The following TMEFF2 variants were observed in gnomAD, a reference collection of about 807,000 sequenced individuals.
TMEFF2 encodes transmembrane protein with EGF like and two follistatin like domains 2, also known as tomoregulin-2.
A neutral mutation model predicts 53.8 loss-of-function variants in TMEFF2; 28 were observed. The ratio of observed to expected loss-of-function variants is 0.52; its 90% confidence interval spans 0.39 to 0.71. TMEFF2 has a LOEUF of 0.71. Among genes scored for constraint, TMEFF2 ranks in the 30% least tolerant of loss-of-function variants. The pLI, the probability that TMEFF2 is intolerant of heterozygous loss-of-function variation, is 0.00. For missense variants in TMEFF2, 353 were observed against 455.2 expected, an observed-to-expected ratio of 0.78 and a Z score of 2.04; for synonymous variants, 162 against 166.3, an observed-to-expected ratio of 0.97 and a Z score of 0.20.
chr2:191,980,864 G>T (rs965497594), intron 7 of TMEFF2, among the ~76,000 whole-genome samples: 1 of 152,030 alleles, frequency 6.6e-6, no homozygotes, highest in African/African-American at 2.4e-5. Context: ...AGGAACCTTC[G>T]TATTTTTCCT....
chr2:192,193,743 G>GAGAGAT (rs1691519580), intron 1 of TMEFF2, among the ~76,000 whole-genome samples: 5 of 41,052 alleles, frequency 1.2e-4, no homozygotes, highest in South Asian at 1.0e-3. Flanking sequence ...GAATGAGAGA[G>GAGAGAT]AGAGAGAGAT....
chr2:191,984,528 C>T (rs537883761), intron 7 of TMEFF2, among the ~76,000 whole-genome samples: 30 of 152,152 alleles, frequency 2.0e-4, no homozygotes, highest in Middle Eastern at 3.4e-3. Flanking sequence ...AATGTAGGAA[C>T]GATGGGGTAA....
At chr2:191,963,516 C>A (rs1692330013) in intron 7 of TMEFF2, among the ~76,000 whole-genome samples, 1 of 152,280 alleles carries the variant, frequency 6.6e-6, no homozygotes, top group Non-Finnish European at 1.5e-5. Context: ...AGACAAACCT[C>A]CTCAGGTGAT....
intron 4 of TMEFF2, 65 bp downstream of exon 4, chr2:192,179,603 A>G (rs766843805): frequency 7.5e-6 from 11 of 1,468,188 alleles, no homozygotes; most frequent in Admixed American, 2.2e-5. Context: ...TGGAACATAC[A>G]TAAGTAAATA....
intron 4 of TMEFF2, among the ~76,000 whole-genome samples, chr2:192,111,385 T>C (rs1347728151): frequency 1.3e-5 from 2 of 152,240 alleles, no homozygotes; most frequent in African/African-American, 4.8e-5. Flanking sequence ...ATTACTATGT[T>C]TTAGCAAGGA....
At chr2:192,084,092 A>G (rs947785540) in intron 4 of TMEFF2, among the ~76,000 whole-genome samples, 14 of 152,126 alleles carry the variant, frequency 9.2e-5, no homozygotes, top group African/African-American at 3.4e-4. Context: ...TATCTGGGGA[A>G]TAAGTCCTGT....
chr2:191,984,887 CA>C (rs1420714331), intron 7 of TMEFF2, among the ~76,000 whole-genome samples: 1 of 151,750 alleles, frequency 6.6e-6, no homozygotes, highest in East Asian at 1.9e-4. Context: ...TAACATATAT[CA>C]AAAAAGAGTC....
chr2:192,101,910 A>C (rs1455305441), intron 4 of TMEFF2, among the ~76,000 whole-genome samples: 1 of 152,150 alleles, frequency 6.6e-6, no homozygotes, highest in Non-Finnish European at 1.5e-5. Flanking sequence ...TGGAATTCCT[A>C]AGTTCTGTGC....
intron 4 of TMEFF2, among the ~76,000 whole-genome samples, chr2:192,119,006 C>G (rs540809160): frequency 6.6e-6 from 1 of 152,112 alleles, no homozygotes; most frequent in African/African-American, 2.4e-5. Context: ...ATAAATATAC[C>G]TTTAATAAAT....
At chr2:191,964,164 C>T (rs1574248334) in intron 7 of TMEFF2, among the ~76,000 whole-genome samples, 2 of 152,046 alleles carry the variant, frequency 1.3e-5, no homozygotes, top group Non-Finnish European at 1.5e-5. Flanking sequence ...CACCTAGATT[C>T]TATTGCTACT....
At chr2:192,030,650 A>G (rs1391131270) in intron 5 of TMEFF2, 3 of 152,066 alleles carry the variant, frequency 2.0e-5, no homozygotes, top group East Asian at 3.9e-4. Context: ...TGAACTGATC[A>G]CTGTGGGCTG....
At chr2:191,986,142 T>A (rs62181507) in intron 7 of TMEFF2, among the ~76,000 whole-genome samples, 1,534 of 152,368 alleles carry the variant, frequency 0.01, 9 homozygotes, top group Non-Finnish European at 0.017. Context: ...TTTAAATATA[T>A]TTCTATGAGC....
At chr2:192,005,364 C>G (rs956569480) in intron 5 of TMEFF2, among the ~76,000 whole-genome samples, 1 of 152,184 alleles carries the variant, frequency 6.6e-6, no homozygotes, top group African/African-American at 2.4e-5. Context: ...ATAAGCTTCT[C>G]TGTGTATTTA....
At chr2:192,065,744 GAATA>G (rs1036523202) in intron 4 of TMEFF2, among the ~76,000 whole-genome samples, 14 of 151,152 alleles carry the variant, frequency 9.3e-5, no homozygotes, top group African/African-American at 3.2e-4. Flanking sequence ...TTTTCTTTTT[GAATA>G]AATTATAAAA....
chr2:191,989,869 C>T (rs758273583), intron 7 of TMEFF2, among the ~76,000 whole-genome samples: 3 of 152,120 alleles, frequency 2.0e-5, no homozygotes, highest in African/African-American at 4.8e-5. Flanking sequence ...CTTCTAGCCT[C>T]AGATGCTTCA....
intron 4 of TMEFF2, chr2:192,177,947 T>C (rs1047680813): frequency 3.3e-5 from 5 of 151,018 alleles, no homozygotes; most frequent in African/African-American, 1.2e-4. Context: ...AAAGTTCACA[T>C]CTTATTGTTA....
intron 5 of TMEFF2, among the ~76,000 whole-genome samples, chr2:192,043,083 A>G (rs1255648038): frequency 3.3e-5 from 5 of 152,218 alleles, no homozygotes; most frequent in Admixed American, 6.5e-5. Flanking sequence ...TGCCAAAAGC[A>G]AGGTCAAAAG....
chr2:191,986,879 AG>A (rs1163379490), intron 7 of TMEFF2, among the ~76,000 whole-genome samples: 1 of 150,274 alleles, frequency 6.7e-6, no homozygotes, highest in African/African-American at 2.5e-5. Flanking sequence ...AAAAAAAAAA[AG>A]TGTGTTTGAA....
At chr2:192,151,350 T>C (rs1178675111) in intron 4 of TMEFF2, among the ~76,000 whole-genome samples, 1 of 151,950 alleles carries the variant, frequency 6.6e-6, no homozygotes, top group East Asian at 1.9e-4. Context: ...TTCTAATATC[T>C]AGTAACTTTT....
Sources: allele counts gnomAD v4.1 joint callset (sites outside exome capture counted in the v4.1 genomes callset), GRCh38; gene constraint gnomAD v4.1.1; transcripts MANE v1.5; gene names NCBI Gene and HGNC (gene_info 2026-07-23, HGNC 2026-07-21).